TRPM4: variants seen among roughly 807,000 people sequenced by gnomAD.
TRPM4 encodes transient receptor potential cation channel subfamily M member 4.
A neutral mutation model predicts 135.6 loss-of-function variants in TRPM4; 124 were observed. That is an observed-to-expected ratio of 0.91 (90% CI 0.79 to 1.06). TRPM4 has a LOEUF of 1.06. Among genes scored for constraint, TRPM4 ranks in the 50% least tolerant of loss-of-function variants. The pLI is 0.00. For synonymous variants in TRPM4, 745 were observed against 705.6 expected, an observed-to-expected ratio of 1.06 and a Z score of -0.88; for missense variants, 1,658 against 1,671.4, an observed-to-expected ratio of 0.99 and a Z score of 0.14.
chr19:49,185,143 A>G (rs1385611154), intron 12 of TRPM4, among the ~76,000 whole-genome samples: 1 of 152,074 alleles, frequency 6.6e-6, no homozygotes, highest in Non-Finnish European at 1.5e-5. Context: ...AGCCTTTGCT[A>G]GTAAGTTCAG....
chr19:49,159,575 T>A (rs1172617844), intron 2 of TRPM4: 4 of 151,974 alleles, frequency 2.6e-5, no homozygotes, highest in Admixed American at 6.6e-5. Context: ...ATCCACCTCC[T>A]GGGTTCAAGC....
intron 6 of TRPM4, among the ~76,000 whole-genome samples, chr19:49,170,318 A>C (rs969211926): frequency 6.6e-6 from 1 of 152,020 alleles, no homozygotes; most frequent in Non-Finnish European, 1.5e-5. Context: ...CCTCCCGAGT[A>C]GCTGGGACTA....
At chr19:49,207,006 C>G (rs1195391886) in intron 20 of TRPM4, among the ~76,000 whole-genome samples, 1 of 152,300 alleles carries the variant, frequency 6.6e-6, no homozygotes, top group South Asian at 2.1e-4. Flanking sequence ...ATCTTGTACC[C>G]TGCAACTTTG....
At position 49,211,490 on chromosome 19, in the gene TRPM4, C is replaced by T. The variant is rs1969369477; in HGVS notation, c.3641-4C>T. The T allele has an allele frequency of 6.2e-7, 1 of 1,614,078 alleles. No homozygotes were observed. The highest frequency in any genetic ancestry group is 8.5e-7 in the Non-Finnish European group (1 of 1,180,052). On this transcript the variant is annotated splice_polypyrimidine_tract_variant and splice_region_variant and intron_variant, in intron 24 of 24. Transcript: ENST00000252826. The surrounding 1 kb of genome is among the most constrained non-coding windows in gnomAD (Gnocchi z 4.8). ...CCTGCTCTCTCTTTTCTCTCTTCCC[C>T]CAGACTGAGCCCTGCTGGCGGACTT...
At chr19:49,204,031 A>G (rs1405936574) in intron 20 of TRPM4, among the ~76,000 whole-genome samples, 1 of 152,168 alleles carries the variant, frequency 6.6e-6, no homozygotes, top group Non-Finnish European at 1.5e-5. Flanking sequence ...CAGGCACGAG[A>G]GTCGCTTGAA....
chr19:49,182,807 TCCGGCCCCCTGA>T lies in TRPM4; in HGVS notation c.1495_1506del (p.Arg499_Asp502del), dbSNP rs749546269. The stretch of plus-strand genomic sequence containing the variant: ...GCCCTAAAAGGGGGAGCTGCGGAGC[TCCGGCCCCCTGA>T]CGTGGGGCATGTGCTGAGGATGCTG... On this transcript the variant is annotated inframe_deletion, in exon 11 of 25. Transcript: ENST00000252826. 36 of 1,577,376 alleles carry T rather than the reference TCCGGCCCCCTGA, an allele frequency of 2.3e-5. No homozygotes were observed. The South Asian group carries it at 4.0e-4, about 18-fold the overall frequency.
In TRPM4 at chr19:49,183,084, C is replaced by T; in HGVS notation, c.1615C>T (p.Leu539=). Residue 539 remains leucine (L), a synonymous_variant, in exon 12 of 25, where the codon CTG becomes TTG. Coordinates refer to ENST00000252826, the MANE Select transcript of TRPM4 (RefSeq NM_017636.4). ...CCCCTCCTTTTGCTGGCAGATGTAT[C>T]TGCTCTCGGACAAGGCCACCTCGCC... ...PGQGFGESMY[L]LSDKATSPLS... is the part of the protein sequence containing the mutation. The T allele has an allele frequency of 6.2e-7, 1 of 1,612,322 alleles. No individual in the cohort carries two copies. The highest frequency in any genetic ancestry group is 8.5e-7 in the Non-Finnish European group (1 of 1,180,004).
At chr19:49,193,848 C>T (rs1346887002) in intron 16 of TRPM4, among the ~76,000 whole-genome samples, 1 of 151,910 alleles carries the variant, frequency 6.6e-6, no homozygotes, top group African/African-American at 2.4e-5. Context: ...TATTCTCCTC[C>T]TTCTCCTCCT....
intron 4 of TRPM4, 38 bp downstream of exon 4, chr19:49,168,135 G>A (rs1339532967): frequency 5.7e-6 from 9 of 1,592,618 alleles, no homozygotes; most frequent in South Asian, 2.2e-5. Flanking sequence ...CCTGGGCCTC[G>A]GCCTGCCTGC....
intron 16 of TRPM4, among the ~76,000 whole-genome samples, chr19:49,192,337 G>A (rs1968443026): frequency 6.6e-6 from 1 of 152,112 alleles, no homozygotes. Flanking sequence ...TAGAGACGGG[G>A]TTTCACCATG....
At chr19:49,204,939 A>T (rs894116831) in intron 20 of TRPM4, among the ~76,000 whole-genome samples, 1 of 107,968 alleles carries the variant, frequency 9.3e-6, no homozygotes, top group South Asian at 2.9e-4. Flanking sequence ...TCTTGTTGGC[A>T]TGATTTTTGC....
At position 49,200,653 on chromosome 19, in the gene TRPM4, C is replaced by T; in HGVS notation, c.2821C>T (p.Leu941=). Residue 941 remains leucine, a synonymous_variant, in exon 19 of 25, where the codon CTG becomes TTG. Coordinates refer to ENST00000252826, the MANE Select transcript of TRPM4 (RefSeq NM_017636.4). ...CTTCCTCTTCTTCCTCGGCGTGTGG[C>T]TGGTAGCCTATGGCGTGGCCACGGA... is the stretch of plus-strand genomic sequence containing the variant. The part of the protein sequence containing the change: ...FFFLFFLGVW[L]VAYGVATEGL... The T allele has an allele frequency of 6.2e-7, 1 of 1,613,962 alleles. No homozygotes were observed. The highest frequency in any genetic ancestry group is 8.5e-7 in the Non-Finnish European group (1 of 1,180,026).
chr19:49,166,774 GTC>G lies in TRPM4; in HGVS notation c.267+563_267+564del, dbSNP rs1367338676. On this transcript the variant is annotated intron_variant, in intron 3 of 24. Coordinates refer to ENST00000252826, the MANE Select transcript of TRPM4 (RefSeq NM_017636.4). ...TCTGTCTCTGTCTCTCTGGGTCTCTGTCTCTGTCTCTCTGGGCCTCTGTTTCC... is the reference window on the plus strand; with the variant it reads ...TCTGTCTCTGTCTCTCTGGGTCTCTGTCTGTCTCTCTGGGCCTCTGTTTCC... Among the ~76,000 whole-genome samples the G allele has an allele frequency of 7.5e-5, 11 of 146,356 alleles. No homozygotes were observed. In the South Asian group the frequency reaches 2.4e-3, roughly 32 times the overall value.
chr19:49,181,526 C>CCTT lies in TRPM4; in HGVS notation c.1263+69_1263+71dup, dbSNP rs1348416935. The stretch of plus-strand genomic sequence containing the variant: ...GGGACTGTGCTGTCCTCCCTCTCTG[C>CCTT]CTTCTTTTTTTTTTTTTTTTTTTTT... On this transcript the variant is annotated intron_variant, in intron 10 of 24. Transcript: ENST00000252826. The CCTT allele has an allele frequency of 2.4e-5, 21 of 880,406 alleles. 1 individual carries two copies. Among genetic ancestry groups the CCTT allele is most frequent in the Non-Finnish European group, 2.3e-5 (14 of 596,050 alleles). 54.5% of individuals were successfully genotyped at this position (880,406 alleles called of 1,614,324 possible). A position where few individuals can be genotyped will look rare whatever the true frequency, so the allele number is the denominator to read the frequency against.
intron 10 of TRPM4, among the ~76,000 whole-genome samples, chr19:49,182,237 T>TCC (rs1967980568): frequency 1.6e-5 from 2 of 124,932 alleles, no homozygotes; most frequent in Non-Finnish European, 3.4e-5. Flanking sequence ...TCCATCCATC[T>TCC]ATCCATCCAT....
intron 2 of TRPM4, chr19:49,158,545 A>C: frequency 2.2e-6 from 1 of 456,856 alleles, no homozygotes; most frequent in South Asian, 3.0e-5. Context: ...TCTTCGTGTC[A>C]CTTTCTGTGT....
At position 49,196,766 on chromosome 19, in the gene TRPM4, G is replaced by C; in HGVS notation, c.2537G>C (p.Gly846Ala). 1.9e-6 allele frequency: 3 copies of C among 1,556,516 alleles called. No homozygotes were observed. Among genetic ancestry groups the C allele is most frequent in the Non-Finnish European group, 2.6e-6 (3 of 1,158,346 alleles). ...GGCAGCCTCGCCAGCGGGGGCCCCG[G>C]GCCTGGCCATGCCTCACTGAGCCAG... ...GGGSLASGGP[G>A]PGHASLSQRL... Residue 846 changes from glycine to alanine, a missense_variant, in exon 17 of 25, where the codon GGG becomes GCG. By Grantham distance (60) the Gly-to-Ala change is moderately conservative. Around this residue, in one of 3 missense-constraint regions of TRPM4, gnomAD observed 1,412 missense variants for 1,408.7 expected, o/e 1.00. Coordinates refer to ENST00000252826, the MANE Select transcript of TRPM4 (RefSeq NM_017636.4).
chr19:49,168,492 C>A lies in TRPM4; in HGVS notation c.613-61C>A, dbSNP rs376048499. 6.2e-6 allele frequency: 10 copies of A among 1,613,478 alleles called. No homozygotes were observed. In the East Asian group the frequency reaches 1.6e-4, roughly 25 times the overall value. ...CCTGGGTCTGAGGGAGGAGGAGGGG[C>A]TCGTGTTTGTCCTTCTGGCCCCGAT... On this transcript the variant is annotated intron_variant, in intron 5 of 24. Transcript: ENST00000252826.
At chr19:49,168,925 A>G (rs745325830) in intron 6 of TRPM4, among the ~76,000 whole-genome samples, 189 bp downstream of exon 6, 3 of 151,676 alleles carry the variant, frequency 2.0e-5, no homozygotes, top group Non-Finnish European at 4.4e-5. Flanking sequence ...TAATCCCAAC[A>G]CTTTGGGAGG....
Sources: gnomAD v4.1 joint callset for allele counts (sites outside exome capture counted in the v4.1 genomes callset) on GRCh38, gnomAD v4.1.1 for gene constraint, gnomAD v4.1.1 regional missense constraint, Gnocchi (gnomAD v3.1) non-coding constraint, MANE v1.5 for transcripts, NCBI Gene and HGNC (gene_info 2026-07-23, HGNC 2026-07-21) for gene names.